PITPNC1: variants seen among roughly 807,000 people sequenced by gnomAD.
PITPNC1 encodes the protein phosphatidylinositol transfer protein cytoplasmic 1, also known as cytoplasmic phosphatidylinositol transfer protein 1.
Under a neutral mutation model 44.7 loss-of-function variants are expected in PITPNC1, and 18 were observed. The ratio of observed to expected loss-of-function variants is 0.40; its 90% CI spans 0.28 to 0.60. The LOEUF (loss-of-function observed/expected upper bound fraction) is 0.60. PITPNC1 is among the 20% of genes least tolerant of loss of function. PITPNC1 has a pLI of 0.39. For missense variants in PITPNC1, 290 were observed against 418.4 expected (o/e 0.69, Z 2.68); for synonymous variants, 141 against 149.6 (o/e 0.94, Z 0.42).
intron 1 of PITPNC1, among the ~76,000 whole-genome samples, chr17:67,462,926 TCCCGA>T (rs2039363678): frequency 6.6e-6 from 1 of 152,132 alleles, no homozygotes; most frequent in African/African-American, 2.4e-5. Context: ...GGTCTCGAAC[TCCCGA>T]CGTCAGTTGA....
At chr17:67,675,793 G>T (rs548507891) in intron 8 of PITPNC1, among the ~76,000 whole-genome samples, 4 of 152,248 alleles carry the variant, frequency 2.6e-5, no homozygotes, top group Admixed American at 2.6e-4. Flanking sequence ...GATACGCATG[G>T]CTCCATCATT....
chr17:67,696,473 A>G lies in PITPNC1; in HGVS notation c.*3585A>G, dbSNP rs545623021. On this transcript the variant is annotated 3_prime_UTR_variant, in exon 9 of 9. Transcript: ENST00000581322. ...GACTCTACATATAATGTGTAATCAGATAATCCAATAGAGAGGAATTGTCCA... is the reference window on the plus strand; with the variant it reads ...GACTCTACATATAATGTGTAATCAGGTAATCCAATAGAGAGGAATTGTCCA... The G allele has an allele frequency of 2.0e-5, 3 of 152,358 alleles. No homozygotes were observed. Among genetic ancestry groups the G allele is most frequent in the African/African-American group, 7.2e-5 (3 of 41,584 alleles). 9.4% of individuals were successfully genotyped at this position (152,358 alleles called of 1,614,324 possible).
At chr17:67,381,410 T>C (rs1181763471) in intron 1 of PITPNC1, among the ~76,000 whole-genome samples, 2 of 150,392 alleles carry the variant, frequency 1.3e-5, no homozygotes, top group African/African-American at 4.9e-5. Flanking sequence ...GCTTCCACTC[T>C]TGGTTGGCTC....
chr17:67,392,026 TAC>T (rs905592883), intron 1 of PITPNC1, among the ~76,000 whole-genome samples: 7 of 152,182 alleles, frequency 4.6e-5, no homozygotes, highest in Admixed American at 1.3e-4. Flanking sequence ...GAACCACCCC[TAC>T]ACTCTTGGAA....
chr17:67,531,753 C>T (rs1219582581), intron 1 of PITPNC1, among the ~76,000 whole-genome samples: 2 of 152,194 alleles, frequency 1.3e-5, no homozygotes, highest in Non-Finnish European at 2.9e-5. Flanking sequence ...GACTCAGGCC[C>T]CACTCCCCCA....
chr17:67,695,722 C>T lies in PITPNC1; in HGVS notation c.*2834C>T, dbSNP rs1237639302. 2.0e-5 allele frequency: 3 copies of T among 151,854 alleles called. No homozygotes were observed. The highest frequency in any genetic ancestry group is 2.1e-4 in the South Asian group (1 of 4,806). The allele number at this position is 151,854 out of a possible 1,614,324, so 9.4% of individuals were successfully genotyped here. On this transcript the variant is annotated 3_prime_UTR_variant, in exon 9 of 9. Transcript: ENST00000581322. ...TAAATAATCCATAGAATATCACATA[C>T]GTTCACTCCATCTTCATCTCTGAAG...
intron 1 of PITPNC1, among the ~76,000 whole-genome samples, chr17:67,451,322 G>A (rs549478343): frequency 5.9e-5 from 9 of 152,170 alleles, no homozygotes; most frequent in Non-Finnish European, 1.0e-4. Flanking sequence ...GTGAGCCACC[G>A]TGCCTGGCTA....
chr17:67,403,203 T>C (rs1419549949), intron 1 of PITPNC1, among the ~76,000 whole-genome samples: 2 of 100,546 alleles, frequency 2.0e-5, no homozygotes, highest in Non-Finnish European at 3.5e-5. Context: ...GGCAACACAG[T>C]GGACCTCATC....
rs74323983 is a variant in PITPNC1, at chr17:67,688,718, T to A, written c.683-3854T>A. Among the ~76,000 whole-genome samples the A allele has an allele frequency of 2.0e-3, 303 of 152,262 alleles. 4 individuals are homozygous for A. In the East Asian group the frequency reaches 0.032, roughly 16 times the overall value. On this transcript the variant is annotated intron_variant, in intron 8 of 8. Coordinates refer to ENST00000581322, the MANE Select transcript of PITPNC1 (RefSeq NM_012417.4). ...CAATTACCTTTTCTTTTAGAAATGTTGGGCCCCAGTTCCCCCTCAGCCACT... is the reference window on the plus strand; with the variant it reads ...CAATTACCTTTTCTTTTAGAAATGTAGGGCCCCAGTTCCCCCTCAGCCACT...
intron 5 of PITPNC1, among the ~76,000 whole-genome samples, chr17:67,600,388 A>G (rs1336047230): frequency 6.6e-6 from 1 of 152,224 alleles, no homozygotes; most frequent in Non-Finnish European, 1.5e-5. Flanking sequence ...ATAACTTTGT[A>G]GACAGACCTG....
At chr17:67,494,254 G>T (rs1182117809) in intron 1 of PITPNC1, among the ~76,000 whole-genome samples, 1 of 121,674 alleles carries the variant, frequency 8.2e-6, no homozygotes, top group Non-Finnish European at 1.7e-5. Context: ...AGACTGGAGT[G>T]CAGTGGCGCA....
chr17:67,435,946 G>A, intron 1 of PITPNC1, among the ~76,000 whole-genome samples: 1 of 152,132 alleles, frequency 6.6e-6, no homozygotes. Flanking sequence ...GACCTAAGAT[G>A]TGTGAGATAC....
intron 6 of PITPNC1, among the ~76,000 whole-genome samples, chr17:67,639,814 T>C (rs548070968): frequency 6.6e-6 from 1 of 152,268 alleles, no homozygotes; most frequent in Non-Finnish European, 1.5e-5. Context: ...GGTGAGAGAT[T>C]AAATGTTGTT....
intron 5 of PITPNC1, among the ~76,000 whole-genome samples, chr17:67,604,725 G>A (rs1322991302): frequency 6.6e-6 from 1 of 152,150 alleles, no homozygotes; most frequent in Non-Finnish European, 1.5e-5. Flanking sequence ...GGAGGTTGCA[G>A]TGTGCTGAGA....
At chr17:67,436,544 C>A (rs542058166) in intron 1 of PITPNC1, among the ~76,000 whole-genome samples, 18 of 151,920 alleles carry the variant, frequency 1.2e-4, no homozygotes, top group African/African-American at 4.1e-4. Flanking sequence ...ACGAACGTAC[C>A]GGACAGGGCG....
intron 6 of PITPNC1, among the ~76,000 whole-genome samples, chr17:67,633,615 A>G (rs2041996587): frequency 6.6e-6 from 1 of 152,234 alleles, no homozygotes; most frequent in South Asian, 2.1e-4. Context: ...TTTAAGATAA[A>G]GAAAGTTAAA....
At chr17:67,485,176 G>GT (rs2039760343) in intron 1 of PITPNC1, among the ~76,000 whole-genome samples, 1 of 151,990 alleles carries the variant, frequency 6.6e-6, no homozygotes, top group African/African-American at 2.4e-5. Flanking sequence ...CTTCATATAC[G>GT]TATGTATGCA....
intron 1 of PITPNC1, among the ~76,000 whole-genome samples, chr17:67,483,040 G>T (rs1197031102): frequency 6.6e-6 from 1 of 152,076 alleles, no homozygotes; most frequent in Non-Finnish European, 1.5e-5. Flanking sequence ...CCATCAAAAG[G>T]AACTTCTGGT....
chr17:67,645,288 C>A (rs2042135057), intron 6 of PITPNC1, among the ~76,000 whole-genome samples: 2 of 150,982 alleles, frequency 1.3e-5, no homozygotes, highest in Non-Finnish European at 1.5e-5. Context: ...TTGCGGTGAG[C>A]CAAGATCGCG....
Sources: allele counts gnomAD v4.1 joint callset (sites outside exome capture counted in the v4.1 genomes callset), GRCh38; gene constraint gnomAD v4.1.1; transcripts MANE v1.5; gene names NCBI Gene and HGNC (gene_info 2026-07-23, HGNC 2026-07-21).